IL1RAPL2: variants seen among roughly 807,000 people sequenced by gnomAD.
IL1RAPL2 encodes the protein X-linked interleukin-1 receptor accessory protein-like 2.
In IL1RAPL2, 3 loss-of-function variants were observed where a neutral mutation model predicts 44.1. The observed-to-expected ratio is 0.07, with a 90% CI of 0.03 to 0.18. IL1RAPL2 has a LOEUF of 0.18. IL1RAPL2 is among the 10% of genes least tolerant of loss of function. The pLI is 1.00. For missense variants in IL1RAPL2, 391 were observed against 496.4 expected (o/e 0.79, Z 2.02); for synonymous variants, 181 against 178.8 (o/e 1.01, Z -0.10).
intron 2 of IL1RAPL2, among the ~76,000 whole-genome samples, chrX:104,848,409 GTA>G (rs35503754): frequency 0.059 from 3,781 of 64,081 alleles, 113 homozygotes; most frequent in African/African-American, 0.097. Context: ...ATTTTTATCT[GTA>G]TATATATATA....
chrX:104,775,340 C>T (rs776570734), intron 2 of IL1RAPL2, among the ~76,000 whole-genome samples: 4 of 111,246 alleles, frequency 3.6e-5, no homozygotes, highest in Non-Finnish European at 7.5e-5. Context: ...AGGGGAGTTG[C>T]GTTTTGGAAT....
chrX:105,439,346 T>C (rs2035902771), intron 5 of IL1RAPL2, among the ~76,000 whole-genome samples: 1 of 111,019 alleles, frequency 9.0e-6, no homozygotes, highest in Admixed American at 9.6e-5. Context: ...CTTCAGATCC[T>C]GATTGATCCT....
At chrX:104,970,237 A>G (rs2030207155) in intron 2 of IL1RAPL2, among the ~76,000 whole-genome samples, 1 of 112,284 alleles carries the variant, frequency 8.9e-6, no homozygotes, top group African/African-American at 3.2e-5. Flanking sequence ...AACACTAAAT[A>G]GTGAAAATAA....
chrX:104,593,384 G>C (rs187158274), intron 1 of IL1RAPL2, among the ~76,000 whole-genome samples: 1 of 112,092 alleles, frequency 8.9e-6, no homozygotes, highest in East Asian at 2.8e-4. Context: ...TTGCTAGAAA[G>C]AGCACTAAAC....
At chrX:105,267,681 T>G in intron 5 of IL1RAPL2, 140 bp downstream of exon 5, 2 of 477,543 alleles carry the variant, frequency 4.2e-6, no homozygotes, top group Non-Finnish European at 7.1e-6. Flanking sequence ...AACTTGCTAT[T>G]AATAAGTTGT....
In IL1RAPL2 at chrX:105,663,527, G is replaced by A. The variant is rs763758989; in HGVS notation, c.773-53840G>A. ...TTATTGCAGTGAGCTCAGGTATTGC[G>A]AATATCCACTTAAAATGCTGTGTGC... On this transcript the variant is annotated intron_variant, in intron 6 of 10. Transcript: ENST00000372582. Among the ~76,000 whole-genome samples the A allele has an allele frequency of 1.3e-3, 143 of 111,719 alleles. 1 individual carries two copies. Among genetic ancestry groups the A allele is most frequent in the African/African-American group, 4.5e-3 (138 of 30,812 alleles).
chrX:104,982,043 T>A (rs2030450507), intron 2 of IL1RAPL2, among the ~76,000 whole-genome samples: 3 of 110,578 alleles, frequency 2.7e-5, no homozygotes, highest in African/African-American at 9.9e-5. Context: ...CATCAGATAG[T>A]ATGCTTATTA....
At chrX:104,930,843 G>A (rs920912270) in intron 2 of IL1RAPL2, among the ~76,000 whole-genome samples, 9 of 111,394 alleles carry the variant, frequency 8.1e-5, no homozygotes, top group African/African-American at 2.9e-4. Context: ...TTCTTTTACA[G>A]ATGAAGAAAC....
At chrX:104,570,521 C>A (rs1367583607) in intron 1 of IL1RAPL2, among the ~76,000 whole-genome samples, 1 of 111,415 alleles carries the variant, frequency 9.0e-6, no homozygotes, top group Admixed American at 9.5e-5. Flanking sequence ...GACACCCCAC[C>A]TCTATTTTAA....
intron 2 of IL1RAPL2, among the ~76,000 whole-genome samples, chrX:104,952,522 A>G (rs1483085323): frequency 8.9e-6 from 1 of 112,322 alleles, no homozygotes; most frequent in Non-Finnish European, 1.9e-5. Context: ...CAAAAGAAAC[A>G]TTAACACACA....
At chrX:104,862,629 C>T (rs899978942) in intron 2 of IL1RAPL2, among the ~76,000 whole-genome samples, 23 of 111,744 alleles carry the variant, frequency 2.1e-4, no homozygotes, top group Admixed American at 3.8e-4. Context: ...AAATAATTTT[C>T]TGTTGATTAA....
chrX:104,937,213 T>C (rs781156559), intron 2 of IL1RAPL2, among the ~76,000 whole-genome samples: 26 of 112,635 alleles, frequency 2.3e-4, no homozygotes, highest in African/African-American at 8.4e-4. Context: ...AATGTATTTA[T>C]TAGGATAGTA....
At chrX:105,438,888 G>A (rs1330447646) in intron 5 of IL1RAPL2, among the ~76,000 whole-genome samples, 2 of 110,830 alleles carry the variant, frequency 1.8e-5, no homozygotes, top group East Asian at 2.9e-4. Context: ...CAAATCTCAT[G>A]TGGAATTGGA....
At chrX:105,687,336 CAA>C (rs2037989101) in intron 6 of IL1RAPL2, among the ~76,000 whole-genome samples, 1 of 108,522 alleles carries the variant, frequency 9.2e-6, no homozygotes, top group Non-Finnish European at 1.9e-5. Flanking sequence ...GCTAGCAAGA[CAA>C]ATAAAGAAGA....
chrX:104,833,330 C>T (rs1227151920), intron 2 of IL1RAPL2, among the ~76,000 whole-genome samples: 1 of 111,329 alleles, frequency 9.0e-6, no homozygotes, highest in South Asian at 3.8e-4. Context: ...TTTGTAGAAA[C>T]GGGGTCTTAC....
intron 2 of IL1RAPL2, among the ~76,000 whole-genome samples, chrX:104,971,857 C>T (rs2030243310): frequency 9.0e-6 from 1 of 111,048 alleles, no homozygotes; most frequent in African/African-American, 3.3e-5. Flanking sequence ...CCTGGAGGCA[C>T]AAGGGTGTCC....
chrX:105,542,681 TTTTTATA>T lies in IL1RAPL2; in HGVS notation c.772+58299_772+58305del, dbSNP rs1358885790. 9.1e-3 allele frequency among the ~76,000 whole-genome samples: 924 copies of T among 101,628 alleles called. 19 individuals carry two copies. The highest frequency in any genetic ancestry group is 0.033 in the African/African-American group (859 of 26,046). 88.3% of individuals were successfully genotyped at this position (101,628 alleles called of 115,157 possible). On this transcript the variant is annotated intron_variant, in intron 6 of 10. Transcript: ENST00000372582. The stretch of plus-strand genomic sequence containing the variant: ...AAAATAGATTCTCTTTTTTTTTTAT[TTTTTATA>T]TTTTTTATTTATTTATTTATTTATT...
At chrX:104,680,429 C>G (rs982352835) in intron 2 of IL1RAPL2, among the ~76,000 whole-genome samples, 1 of 111,278 alleles carries the variant, frequency 9.0e-6, no homozygotes, top group Non-Finnish European at 1.9e-5. Context: ...GATCCTCAAT[C>G]AGGGATAACT....
intron 6 of IL1RAPL2, among the ~76,000 whole-genome samples, chrX:105,604,530 AG>A (rs1401315207): frequency 9.0e-6 from 1 of 111,175 alleles, no homozygotes; most frequent in East Asian, 2.8e-4. Flanking sequence ...CAAAAAAAAA[AG>A]AAAAGCCCAG....
Sources: allele counts gnomAD v4.1 joint callset (sites outside exome capture counted in the v4.1 genomes callset), GRCh38; gene constraint gnomAD v4.1.1; transcripts MANE v1.5; gene names NCBI Gene and HGNC (gene_info 2026-07-23, HGNC 2026-07-21).